Variants in PRDM15 observed in about 807,000 individuals in gnomAD.
The protein encoded by PRDM15 is PR/SET domain 15, also known as PR domain zinc finger protein 15.
Under a neutral mutation model 128.6 loss-of-function variants are expected in PRDM15, and 64 were observed. The observed-to-expected ratio is 0.50, with a 90% CI of 0.41 to 0.61. The LOEUF is 0.61. PRDM15 is among the 20% of genes least tolerant of loss of function. The pLI, the probability that PRDM15 is intolerant of heterozygous loss-of-function variation, is 0.00. For synonymous variants in PRDM15, 615 were observed against 621.8 expected (o/e 0.99, Z 0.16); for missense variants, 1,242 against 1,569.1 (o/e 0.79, Z 3.52).
chr21:41,834,551 G>A lies in PRDM15; in HGVS notation c.1366+886C>T, dbSNP rs532904541. 36 of 1,549,822 alleles carry A rather than the reference G, an allele frequency of 2.3e-5. No homozygotes were observed. The East Asian group carries it at 8.3e-4, about 36-fold the overall frequency. Reference sequence around the variant, plus strand: ...TGCCGCCGGGCCCCCCCTCTCCAGGGTGTGCTATGAGTCCTAGAGAGAGGG... The same window carrying A: ...TGCCGCCGGGCCCCCCCTCTCCAGGATGTGCTATGAGTCCTAGAGAGAGGG... On this transcript the variant is annotated intron_variant, in intron 11 of 23. Coordinates refer to ENST00000398548, the MANE Select transcript of PRDM15 (RefSeq NM_001040424.3).
Position 41,879,162 on chromosome 21 carries a change from G to T in PRDM15, c.-10+108C>A. On this transcript the variant is annotated intron_variant, in intron 1 of 23. Coordinates refer to ENST00000398548, the MANE Select transcript of PRDM15 (RefSeq NM_001040424.3). This position sits in a 1 kb window ranked among gnomAD's most constrained non-coding sequence, Gnocchi z 5.1. ...GCGGCTGCCGGGCGCGGGGGGCGGG[G>T]GGCAGCGGGCCCAGGGCGCGCCGGG... 1.1e-6 allele frequency: 1 copy of T among 920,102 alleles called. No individual in the cohort carries two copies. Among genetic ancestry groups the T allele is most frequent in the Non-Finnish European group, 1.3e-6 (1 of 763,330 alleles). 57.0% of individuals were successfully genotyped at this position (920,102 alleles called of 1,614,324 possible).
Position 41,820,153 on chromosome 21 carries a change from G to A in PRDM15, c.2082C>T (p.Ile694=), listed in dbSNP as rs1568918991. The change falls in exon 17 of 24, where the codon ATC becomes ATT. Residue 694 remains isoleucine (I), a synonymous_variant. Coordinates refer to ENST00000398548, the MANE Select transcript of PRDM15 (RefSeq NM_001040424.3). ...CGATGCTGTTGAAGATCCGCCCGCA[G>A]ATCTCGCAGGGGTGGATGTACCTGA... ...NVQKYIHPCE[I]CGRIFNSIGN... The A allele has an allele frequency of 1.2e-6, 2 of 1,613,834 alleles. No homozygotes were observed. The highest frequency in any genetic ancestry group is 1.7e-6 in the Non-Finnish European group (2 of 1,179,866).
chr21:41,831,072 G>A (rs2062674387), intron 11 of PRDM15, among the ~76,000 whole-genome samples: 1 of 152,276 alleles, frequency 6.6e-6, no homozygotes, highest in Admixed American at 6.5e-5. Context: ...CAGGAGCGGG[G>A]CACCAGAGCA....
intron 11 of PRDM15, among the ~76,000 whole-genome samples, chr21:41,833,179 G>C (rs1459519749): frequency 6.6e-6 from 1 of 152,184 alleles, no homozygotes; most frequent in Non-Finnish European, 1.5e-5. Flanking sequence ...CCGTAGCACA[G>C]TACTTATGGT....
rs557810993 is a variant in PRDM15, at chr21:41,810,456, G to A, written c.2477-127C>T. ...AAGCCTGTCACGCCCCGCCCATCCTGAGAGGGCCGGTGCTGGTCCCCGAGC... is the reference window on the plus strand; with the variant it reads ...AAGCCTGTCACGCCCCGCCCATCCTAAGAGGGCCGGTGCTGGTCCCCGAGC... On this transcript the variant is annotated intron_variant, in intron 20 of 23. Transcript: ENST00000398548. This position sits in a 1 kb window ranked among gnomAD's most constrained non-coding sequence, Gnocchi z 6.4. 5.5e-6 allele frequency: 6 copies of A among 1,083,182 alleles called. No individual in the cohort carries two copies. The highest frequency in any genetic ancestry group is 1.6e-5 in the African/African-American group (1 of 64,164). 67.1% of individuals were successfully genotyped at this position (1,083,182 alleles called of 1,614,324 possible). A position where few individuals can be genotyped will look rare whatever the true frequency, so the allele number is the denominator to read the frequency against.
intron 8 of PRDM15, 38 bp downstream of exon 8, chr21:41,837,896 T>A: frequency 1.2e-5 from 19 of 1,612,916 alleles, no homozygotes; most frequent in Non-Finnish European, 1.6e-5. Context: ...CAGCATTGTC[T>A]GTCCACAGGA....
In PRDM15 at chr21:41,866,033, G is replaced by A. The variant is rs190581686; in HGVS notation, c.-9-5661C>T. ...TTGGATTACAGGTATGAGACCCCAC[G>A]CCCAGCCTCTACTAGATCTTTAACC... On this transcript the variant is annotated intron_variant, in intron 1 of 23. Transcript: ENST00000398548. Among the ~76,000 whole-genome samples the A allele has an allele frequency of 1.7e-3, 266 of 152,158 alleles. 1 individual carries two copies. Among genetic ancestry groups the A allele is most frequent in the African/African-American group, 5.9e-3 (246 of 41,528 alleles).
chr21:41,840,654 C>A (rs2063047198), intron 6 of PRDM15, among the ~76,000 whole-genome samples: 1 of 151,650 alleles, frequency 6.6e-6, no homozygotes, highest in Non-Finnish European at 1.5e-5. Context: ...AAAAATTAAG[C>A]AATAAGCCAT....
intron 16 of PRDM15, among the ~76,000 whole-genome samples, chr21:41,820,571 AGAG>A (rs1568919950): frequency 6.6e-6 from 1 of 152,222 alleles, no homozygotes; most frequent in African/African-American, 2.4e-5. Flanking sequence ...GAGAAGTGTC[AGAG>A]GAGGCGGCCC....
In PRDM15 at chr21:41,801,191, T is replaced by A; in HGVS notation, c.*49A>T. Reference sequence around the variant, plus strand: ...TATCCAGCAAACACATCTAAACAAATCCCAAACATCCCTCTGCAGTTCTTG... The same window carrying A: ...TATCCAGCAAACACATCTAAACAAAACCCAAACATCCCTCTGCAGTTCTTG... On this transcript the variant is annotated 3_prime_UTR_variant, in exon 24 of 24. Transcript: ENST00000398548. The A allele has an allele frequency of 6.7e-7, 1 of 1,499,476 alleles. No homozygotes were observed. The highest frequency in any genetic ancestry group is 8.8e-7 in the Non-Finnish European group (1 of 1,131,126). The allele number at this position is 1,499,476 out of a possible 1,614,324, so 92.9% of individuals were successfully genotyped here. A position where few individuals can be genotyped will look rare whatever the true frequency, so the allele number is the denominator to read the frequency against.
Position 41,862,043 on chromosome 21 carries a change from T to A in PRDM15, c.-9-1671A>T, listed in dbSNP as rs766093189. 3 of 1,494,212 alleles carry A rather than the reference T, an allele frequency of 2.0e-6. No individual in the cohort carries two copies. The Admixed American group carries it at 5.2e-5, about 26-fold the overall frequency. 92.6% of individuals were successfully genotyped at this position (1,494,212 alleles called of 1,614,324 possible). On this transcript the variant is annotated intron_variant, in intron 1 of 23. Transcript: ENST00000398548. This position sits in a 1 kb window ranked among gnomAD's most constrained non-coding sequence, Gnocchi z 4.1. ...GCACCTCGGCGCAAATAGGGACCAG[T>A]CTGGGATGGGGGCTCAGCTGGGCAG...
chr21:41,837,308 C>G (rs1018562775), intron 8 of PRDM15, among the ~76,000 whole-genome samples: 2 of 152,144 alleles, frequency 1.3e-5, no homozygotes, highest in Non-Finnish European at 2.9e-5. Context: ...AGAAGCAACC[C>G]AACTGTCCAT....
chr21:41,851,056 G>C (rs2063413618), intron 5 of PRDM15, among the ~76,000 whole-genome samples: 1 of 152,138 alleles, frequency 6.6e-6, no homozygotes, highest in Non-Finnish European at 1.5e-5. Context: ...ACGGTTCTAG[G>C]AGCACACCAA....
chr21:41,859,136 G>A lies in PRDM15; in HGVS notation c.131+456C>T, dbSNP rs1263121459. On this transcript the variant is annotated intron_variant, in intron 3 of 23. Coordinates refer to ENST00000398548, the MANE Select transcript of PRDM15 (RefSeq NM_001040424.3). This position sits in a 1 kb window ranked among gnomAD's most constrained non-coding sequence, Gnocchi z 5.3. ...CACCAGGCCTGCAGGGACTGCTTCT[G>A]GAAGCTGCTGTGGGTCAGCCCTGTC... The A allele has an allele frequency of 6.2e-7, 1 of 1,612,968 alleles. No individual in the cohort carries two copies. Among genetic ancestry groups the A allele is most frequent in the Non-Finnish European group, 8.5e-7 (1 of 1,179,824 alleles).
chr21:41,820,094 C>A lies in PRDM15; in HGVS notation c.2140+1G>T. 6.2e-7 allele frequency: 1 copy of A among 1,613,592 alleles called. No individual in the cohort carries two copies. Among genetic ancestry groups the A allele is most frequent in the Non-Finnish European group, 8.5e-7 (1 of 1,179,654 alleles). On this transcript the variant is annotated splice_donor_variant, in intron 17 of 23. Coordinates refer to ENST00000398548, the MANE Select transcript of PRDM15 (RefSeq NM_001040424.3). LOFTEE classifies it high-confidence loss of function. Reference sequence around the variant, plus strand: ...GACCCCAAATGCTGACAGACACGCACCTGTGTGGATGAGCTTGTGGCGCTC... The same window carrying A: ...GACCCCAAATGCTGACAGACACGCAACTGTGTGGATGAGCTTGTGGCGCTC...
chr21:41,831,449 C>A (rs925774279), intron 11 of PRDM15, among the ~76,000 whole-genome samples: 4 of 152,242 alleles, frequency 2.6e-5, no homozygotes, highest in Non-Finnish European at 4.4e-5. Context: ...CTCTCCACCC[C>A]CGCCAGGTAG....
At position 41,862,087 on chromosome 21, in the gene PRDM15, G is replaced by A. The variant is rs1027316023; in HGVS notation, c.-9-1715C>T. 2.9e-6 allele frequency: 3 copies of A among 1,018,590 alleles called. No homozygotes were observed. The highest frequency in any genetic ancestry group is 2.5e-5 in the East Asian group (1 of 39,636). The allele number at this position is 1,018,590 out of a possible 1,614,324, so 63.1% of individuals were successfully genotyped here. On this transcript the variant is annotated intron_variant, in intron 1 of 23. Coordinates refer to ENST00000398548, the MANE Select transcript of PRDM15 (RefSeq NM_001040424.3). The surrounding 1 kb of genome is among the most constrained non-coding windows in gnomAD (Gnocchi z 4.1). Reference sequence around the variant, plus strand: ...TGGGCAGTGAGCAGGAGATGAACAGGACAAAGGGCAGAAGAAACCCAGAGT... The same window carrying A: ...TGGGCAGTGAGCAGGAGATGAACAGAACAAAGGGCAGAAGAAACCCAGAGT...
chr21:41,817,094 T>C (rs1365054842), intron 18 of PRDM15, among the ~76,000 whole-genome samples: 1 of 152,184 alleles, frequency 6.6e-6, no homozygotes, highest in Non-Finnish European at 1.5e-5. Flanking sequence ...ATGTTTTTTC[T>C]TCCATTTAAC....
intron 14 of PRDM15, 126 bp downstream of exon 14, chr21:41,823,192 G>A (rs774851983): frequency 1.1e-5 from 14 of 1,249,192 alleles, no homozygotes; most frequent in South Asian, 7.7e-5. Flanking sequence ...CTCCAGAACC[G>A]TGAGCAGCAC....
Sources: allele counts gnomAD v4.1 joint callset (sites outside exome capture counted in the v4.1 genomes callset), GRCh38; gene constraint gnomAD v4.1.1; non-coding constraint Gnocchi (gnomAD v3.1); transcripts MANE v1.5; gene names NCBI Gene and HGNC (gene_info 2026-07-23, HGNC 2026-07-21).